The following B4GALNT2 variants were observed in gnomAD, a reference collection of about 807,000 sequenced individuals.
B4GALNT2 encodes the protein N-acetylneuraminylgalactosylglucosyl-glucoside beta-1,4-N- acetylgalactosaminyltransferase 2.
B4GALNT2 carries 42 observed loss-of-function variants against 51.1 expected under a neutral mutation model. That is an observed-to-expected ratio of 0.82 (90% CI 0.64 to 1.06). The LOEUF (loss-of-function observed/expected upper bound fraction) is 1.06, where lower values mean the gene tolerates loss of function less well. Among genes scored for constraint, B4GALNT2 ranks in the 50% least tolerant of loss-of-function variants. The pLI, the probability that B4GALNT2 is intolerant of heterozygous loss-of-function variation, is 0.00. For missense variants in B4GALNT2, 602 were observed against 633.6 expected, an observed-to-expected ratio of 0.95 and a Z score of 0.54; for synonymous variants, 253 against 251.7, an observed-to-expected ratio of 1.01 and a Z score of -0.05.
Position 49,175,380 on chromosome 17 carries a change from GCTTTC to G in B4GALNT2, c.*5654_*5658del, listed in dbSNP as rs1361197363. ...TTGTGCTATACGCTTTCCTGGCTCT[GCTTTC>G]CAAGGAAAAGAAGTAAATATAACAA... On this transcript the variant is annotated 3_prime_UTR_variant, in exon 11 of 11. Coordinates refer to ENST00000393354, the MANE Select transcript of B4GALNT2 (RefSeq NM_001159387.2). The G allele has an allele frequency of 1.3e-5, 2 of 152,106 alleles. No homozygotes were observed. Among genetic ancestry groups the G allele is most frequent in the East Asian group, 3.8e-4 (2 of 5,198 alleles). The allele number at this position is 152,106 out of a possible 1,614,324, so 9.4% of individuals were successfully genotyped here.
intron 5 of B4GALNT2, among the ~76,000 whole-genome samples, chr17:49,158,263 G>A (rs1034653338): frequency 6.6e-6 from 1 of 152,166 alleles, no homozygotes; most frequent in African/African-American, 2.4e-5. Flanking sequence ...AAGACAACAA[G>A]TTTGAGTTGC....
intron 3 of B4GALNT2, among the ~76,000 whole-genome samples, chr17:49,145,377 C>T (rs759576753): frequency 6.6e-5 from 10 of 152,066 alleles, no homozygotes; most frequent in East Asian, 5.8e-4. Context: ...ATAAATCTTA[C>T]GTCACATGAT....
chr17:49,131,729 T>C (rs2042540961), upstream of B4GALNT2, among the ~76,000 whole-genome samples: 1 of 152,148 alleles, frequency 6.6e-6, no homozygotes, highest in Admixed American at 6.6e-5. Flanking sequence ...CAGGCTGGTC[T>C]CAAACTCCTG....
At chr17:49,164,607 T>C (rs2042894860) in intron 8 of B4GALNT2, among the ~76,000 whole-genome samples, 1 of 150,720 alleles carries the variant, frequency 6.6e-6, no homozygotes, top group African/African-American at 2.4e-5. Flanking sequence ...GTTCAAGTGA[T>C]TCTCCTGCCT....
chr17:49,121,805 C>G, the B4GALNT2 span, among the ~76,000 whole-genome samples: 1 of 152,194 alleles, frequency 6.6e-6, no homozygotes. Context: ...TGCACACAGG[C>G]TGGACAGCTA....
At position 49,171,421 on chromosome 17, in the gene B4GALNT2, G is replaced by T; in HGVS notation, c.*1693G>T. On this transcript the variant is annotated 3_prime_UTR_variant, in exon 11 of 11. Transcript: ENST00000393354. ...TGTGCCTGGGATGCTTTAAATATTT[G>T]TTCTTTTAATTTTGCAATATGCAAA... 1 of 422,906 alleles carries T rather than the reference G, an allele frequency of 2.4e-6. No homozygotes were observed. The highest frequency in any genetic ancestry group is 4.6e-6 in the Non-Finnish European group (1 of 218,492). 26.2% of individuals were successfully genotyped at this position (422,906 alleles called of 1,614,324 possible). A position where few individuals can be genotyped will look rare whatever the true frequency, so the allele number is the denominator to read the frequency against.
rs141826857 is a variant in B4GALNT2 at position 49,168,877 on chromosome 17, G to A, written c.1292G>A (p.Arg431His). 7.8e-4 allele frequency: 1,251 copies of A among 1,612,536 alleles called. 3 individuals are homozygous for A. The highest frequency in any genetic ancestry group is 6.7e-3 in the African/African-American group (503 of 74,980). The change falls in exon 10 of 11, where the codon CGC (arginine) becomes CAC (histidine). Residue 431 changes from arginine (R) to histidine (H), a missense_variant. By Grantham distance (29) the Arg-to-His change is conservative (BLOSUM62 0). Transcript: ENST00000393354. ...ERLQRVGFDP[R>H]LQRVAHSEFF... The stretch of plus-strand genomic sequence containing the variant: ...CTCCAAAGAGTTGGCTTTGATCCCC[G>A]CCTGCAACGAGTGGCTCACTCAGGT...
intron 1 of B4GALNT2, 82 bp downstream of exon 1, chr17:49,132,888 G>A: frequency 7.3e-7 from 1 of 1,377,182 alleles, no homozygotes; most frequent in Non-Finnish European, 9.4e-7. Flanking sequence ...GGCGTCTGCA[G>A]AGCGGGCAGG....
intron 8 of B4GALNT2, among the ~76,000 whole-genome samples, chr17:49,164,898 A>G (rs1280140094): frequency 6.6e-6 from 1 of 151,992 alleles, no homozygotes; most frequent in Non-Finnish European, 1.5e-5. Context: ...GGCAGCCTCA[A>G]CCTTAAAGGC....
In B4GALNT2 at chr17:49,141,317, G is replaced by C. The variant is rs143591824; in HGVS notation, c.85G>C (p.Gly29Arg). 5.0e-6 allele frequency: 8 copies of C among 1,613,920 alleles called. No individual in the cohort carries two copies. The highest frequency in any genetic ancestry group is 6.8e-6 in the Non-Finnish European group (8 of 1,179,978). ...LVLGIVGFMF[G>R]SMFLQAVFSS... ...ACTTGGCATTGTTGGATTTATGTTC[G>C]GAAGCATGTTCCTTCAAGCAGTGTT... Residue 29 changes from glycine to arginine, a missense_variant, in exon 2 of 11, where the codon GGA becomes CGA. Physicochemically the swap from Gly to Arg is moderately radical, Grantham distance 125 (BLOSUM62 -2). Coordinates refer to ENST00000393354, the MANE Select transcript of B4GALNT2 (RefSeq NM_001159387.2).
chr17:49,151,100 C>T (rs753974151), intron 3 of B4GALNT2, among the ~76,000 whole-genome samples: 87,115 of 87,162 alleles, frequency 1, 43,535 homozygotes, highest in Middle Eastern at 1. Flanking sequence ...TTAGGCCGGG[C>T]GCGGTGGCTC....
chr17:49,126,695 AGGCT>A, the B4GALNT2 span, among the ~76,000 whole-genome samples: 1 of 126,604 alleles, frequency 7.9e-6, no homozygotes, highest in Non-Finnish European at 1.6e-5. Flanking sequence ...CTGTCACCCC[AGGCT>A]GGAGTACGTT....
At chr17:49,122,376 CAG>C in the B4GALNT2 span, among the ~76,000 whole-genome samples, 12 of 152,166 alleles carry the variant, frequency 7.9e-5, no homozygotes, top group African/African-American at 2.9e-4. Flanking sequence ...GATGGGAGGA[CAG>C]AGAGTTTTCT....
chr17:49,124,698 A>G, the B4GALNT2 span, among the ~76,000 whole-genome samples: 1 of 152,186 alleles, frequency 6.6e-6, no homozygotes, highest in Admixed American at 6.5e-5. Context: ...GTTAAGCTCA[A>G]TTTTTAATAA....
Position 49,160,884 on chromosome 17 carries a change from A to G in B4GALNT2, c.766+243A>G, listed in dbSNP as rs189934978. 1.2e-4 allele frequency among the ~76,000 whole-genome samples: 18 copies of G among 152,304 alleles called. No homozygotes were observed. In the East Asian group the frequency reaches 3.1e-3, roughly 26 times the overall value. On this transcript the variant is annotated intron_variant, in intron 7 of 10. Coordinates refer to ENST00000393354, the MANE Select transcript of B4GALNT2 (RefSeq NM_001159387.2). Reference sequence around the variant, plus strand: ...GGGAAAAAAGCTAAAAAATTATAACATTTTAGTAAGTAATAATAATAAAAA... The same window carrying G: ...GGGAAAAAAGCTAAAAAATTATAACGTTTTAGTAAGTAATAATAATAAAAA...
intron 5 of B4GALNT2, 104 bp from the exon 6 acceptor site, chr17:49,158,933 C>T (rs2042836270): frequency 3.0e-6 from 4 of 1,347,380 alleles, no homozygotes; most frequent in Admixed American, 3.8e-5. Context: ...TCCCCTCACC[C>T]TTATGTGCTC....
intron 3 of B4GALNT2, among the ~76,000 whole-genome samples, chr17:49,142,597 T>C (rs1567856889): frequency 6.6e-6 from 1 of 151,986 alleles, no homozygotes; most frequent in Non-Finnish European, 1.5e-5. Flanking sequence ...TAGGCTGAAG[T>C]GAGAGGATCA....
rs773758575 is a variant in B4GALNT2 at position 49,142,063 on chromosome 17, G to A, written c.244G>A (p.Glu82Lys). 16 of 1,614,054 alleles carry A rather than the reference G, an allele frequency of 9.9e-6. 1 individual carries two copies. In the South Asian group the frequency reaches 1.6e-4, roughly 17 times the overall value. The change falls in exon 3 of 11, where the codon GAA becomes AAA. Residue 82 changes from glutamate (E) to lysine (K), a missense_variant. Coordinates refer to ENST00000393354, the MANE Select transcript of B4GALNT2 (RefSeq NM_001159387.2). ...GTTCCCGAAAAATCAGTGCAAATGT[G>A]AAGCCAACAAAGAGCAGGGAGGTTA... ...WLFPKNQCKC[E>K]ANKEQGGYNF...
chr17:49,125,597 G>A, the B4GALNT2 span, among the ~76,000 whole-genome samples: 2 of 151,680 alleles, frequency 1.3e-5, no homozygotes, highest in Admixed American at 6.6e-5. Flanking sequence ...ATCTCTGCCC[G>A]GCTGCCCGTC....
Sources: allele counts gnomAD v4.1 joint callset (sites outside exome capture counted in the v4.1 genomes callset), GRCh38; gene constraint gnomAD v4.1.1; transcripts MANE v1.5; gene names NCBI Gene and HGNC (gene_info 2026-07-23, HGNC 2026-07-21).